Variants in FAM107B observed in about 807,000 individuals in gnomAD.
FAM107B encodes the protein family with sequence similarity 107 member B.
Under a neutral mutation model 31.5 loss-of-function variants are expected in FAM107B, and 21 were observed. The ratio of observed to expected loss-of-function variants is 0.67; its 90% CI spans 0.47 to 0.96. The LOEUF is 0.96. Ranked by LOEUF, FAM107B falls within the 40% of genes least tolerant of loss-of-function variation. The pLI is 0.00. For missense variants in FAM107B, 452 were observed against 377.1 expected, an observed-to-expected ratio of 1.20 and a Z score of -1.64; for synonymous variants, 157 against 141.5, an observed-to-expected ratio of 1.11 and a Z score of -0.78.
intron 2 of FAM107B, among the ~76,000 whole-genome samples, chr10:14,638,789 T>C (rs1853562295): frequency 6.6e-6 from 1 of 152,168 alleles, no homozygotes; most frequent in Admixed American, 6.5e-5. Context: ...CTGTCTCATG[T>C]CTAGATGTTG....
At chr10:14,766,002 C>G (rs1286929720) in intron 1 of FAM107B, among the ~76,000 whole-genome samples, 1 of 152,092 alleles carries the variant, frequency 6.6e-6, no homozygotes, top group African/African-American at 2.4e-5. Context: ...TAATAGGCTT[C>G]CAAGCAGCAC....
chr10:14,616,985 G>A (rs534608143), intron 2 of FAM107B, among the ~76,000 whole-genome samples: 26 of 151,928 alleles, frequency 1.7e-4, no homozygotes, highest in African/African-American at 6.0e-4. Flanking sequence ...AAATAAGGCA[G>A]GCAGGTGGGT....
chr10:14,739,019 C>T (rs1856374746), intron 1 of FAM107B, among the ~76,000 whole-genome samples: 1 of 152,204 alleles, frequency 6.6e-6, no homozygotes, highest in African/African-American at 2.4e-5. Context: ...TCCTCCTCCA[C>T]ATACCTGGAG....
intron 2 of FAM107B, among the ~76,000 whole-genome samples, chr10:14,569,637 C>T (rs1278011618): frequency 6.6e-6 from 1 of 152,194 alleles, no homozygotes; most frequent in Non-Finnish European, 1.5e-5. Flanking sequence ...TAGGCCAGGA[C>T]TGGAGGGGTG....
At chr10:14,525,413 A>G (rs11259155) in intron 3 of FAM107B, among the ~76,000 whole-genome samples, 40,315 of 152,168 alleles carry the variant, frequency 0.26, 5,949 homozygotes, top group Middle Eastern at 0.34. Flanking sequence ...TTTGCAGAAA[A>G]AGAAAAGTAA....
chr10:14,751,383 C>T (rs1268004539), intron 1 of FAM107B, among the ~76,000 whole-genome samples: 3 of 152,168 alleles, frequency 2.0e-5, no homozygotes, highest in Admixed American at 6.5e-5. Context: ...CTTTTGTGAG[C>T]AGAACAGTCC....
At chr10:14,527,007 T>C (rs957663768) in intron 3 of FAM107B, among the ~76,000 whole-genome samples, 2 of 151,988 alleles carry the variant, frequency 1.3e-5, no homozygotes, top group African/African-American at 4.8e-5. Flanking sequence ...CCAGCTAATT[T>C]TTTATATTTT....
intron 1 of FAM107B, chr10:14,723,055 T>C (rs564716155): frequency 5.7e-6 from 2 of 353,686 alleles, no homozygotes; most frequent in African/African-American, 4.3e-5. Context: ...GGTCTTATAT[T>C]TGTGTCTTAT....
intron 1 of FAM107B, among the ~76,000 whole-genome samples, chr10:14,694,117 A>G (rs945878370): frequency 5.9e-5 from 9 of 152,208 alleles, no homozygotes; most frequent in Non-Finnish European, 1.3e-4. Context: ...CCATTCATGC[A>G]CTGATGGACA....
At chr10:14,734,729 T>C (rs1856258925) in intron 1 of FAM107B, among the ~76,000 whole-genome samples, 1 of 152,128 alleles carries the variant, frequency 6.6e-6, no homozygotes, top group Admixed American at 6.6e-5. Context: ...CTGGCATTAC[T>C]TTACAGCTTT....
At chr10:14,728,662 A>C (rs1288190409) in intron 1 of FAM107B, among the ~76,000 whole-genome samples, 1 of 152,166 alleles carries the variant, frequency 6.6e-6, no homozygotes, top group East Asian at 1.9e-4. Context: ...CTGCTTGCAA[A>C]GCAGTCAGCT....
chr10:14,645,659 T>A (rs564861574), intron 2 of FAM107B, among the ~76,000 whole-genome samples: 9 of 152,272 alleles, frequency 5.9e-5, no homozygotes, highest in Non-Finnish European at 1.3e-4. Flanking sequence ...TCTTCCTTTC[T>A]CTTTTACAAG....
intron 3 of FAM107B, among the ~76,000 whole-genome samples, chr10:14,525,593 A>T (rs959131241): frequency 1.3e-5 from 2 of 152,056 alleles, no homozygotes; most frequent in African/African-American, 2.4e-5. Context: ...TCCAGAGATA[A>T]CTCTTACCAA....
At chr10:14,601,286 G>A (rs1013826101) in intron 2 of FAM107B, among the ~76,000 whole-genome samples, 2 of 152,098 alleles carry the variant, frequency 1.3e-5, no homozygotes, top group Admixed American at 6.5e-5. Flanking sequence ...CACTGATGGG[G>A]TACCGGAATT....
chr10:14,579,127 G>C (rs1375722099), intron 2 of FAM107B, among the ~76,000 whole-genome samples: 1 of 152,132 alleles, frequency 6.6e-6, no homozygotes, highest in African/African-American at 2.4e-5. Flanking sequence ...TCCATAAATT[G>C]ATTTTCTAAG....
At chr10:14,725,506 A>G (rs185117637) in intron 1 of FAM107B, among the ~76,000 whole-genome samples, 330 of 152,308 alleles carry the variant, frequency 2.2e-3, no homozygotes, top group African/African-American at 7.5e-3. Flanking sequence ...GAAGTCCAAG[A>G]TTAAGGCTCT....
At chr10:14,653,331 A>T (rs1329814437) in intron 2 of FAM107B, among the ~76,000 whole-genome samples, 2 of 152,222 alleles carry the variant, frequency 1.3e-5, no homozygotes, top group African/African-American at 2.4e-5. Context: ...ATTACCATGC[A>T]CACTGGAGTT....
At chr10:14,732,672 ACTGT>A (rs1856200710) in intron 1 of FAM107B, among the ~76,000 whole-genome samples, 3 of 151,792 alleles carry the variant, frequency 2.0e-5, no homozygotes, top group African/African-American at 7.3e-5. Flanking sequence ...GGGAACATAG[ACTGT>A]CTGAGTGCAA....
chr10:14,763,346 G>T (rs994848749), intron 1 of FAM107B, among the ~76,000 whole-genome samples: 4 of 152,212 alleles, frequency 2.6e-5, no homozygotes, highest in Non-Finnish European at 4.4e-5. Flanking sequence ...TTTTGTGCCT[G>T]CTTGCCAGCA....
Sources: allele counts gnomAD v4.1 joint callset (sites outside exome capture counted in the v4.1 genomes callset), GRCh38; gene constraint gnomAD v4.1.1; transcripts MANE v1.5; gene names NCBI Gene and HGNC (gene_info 2026-07-23, HGNC 2026-07-21).